The following DNAI3 variants were observed in gnomAD, a reference collection of about 807,000 sequenced individuals.
DNAI3 encodes dynein axonemal intermediate chain 3, also known as WD repeat domain 63.
A neutral mutation model predicts 115.5 loss-of-function variants in DNAI3; 83 were observed. The observed-to-expected ratio is 0.72, with a 90% CI of 0.60 to 0.86. The LOEUF is 0.86. DNAI3 is among the 40% of genes least tolerant of loss of function. The pLI is 0.00. For missense variants in DNAI3, 1,004 were observed against 1,075.8 expected (o/e 0.93, Z 0.93); for synonymous variants, 320 against 347.0 (o/e 0.92, Z 0.86).
In DNAI3 at chr1:85,082,417, C is replaced by G. The variant is rs760433587; in HGVS notation, c.390+13C>G. ...AAACTATTTAAATGTGAGCAAACCC[C>G]AAGCCCTTGTAATTTGTTTGTTTTT... is the stretch of plus-strand genomic sequence containing the variant. On this transcript the variant is annotated intron_variant, in intron 5 of 22. Transcript: ENST00000294664. 1 of 1,590,496 alleles carries G rather than the reference C, an allele frequency of 6.3e-7. No homozygotes were observed. Among genetic ancestry groups the G allele is most frequent in the Non-Finnish European group, 8.6e-7 (1 of 1,159,898 alleles).
chr1:85,107,203 A>G (rs1655513536), intron 14 of DNAI3, among the ~76,000 whole-genome samples: 3 of 152,324 alleles, frequency 2.0e-5, no homozygotes, highest in African/African-American at 4.8e-5. Flanking sequence ...GATTAAACAC[A>G]GAGTTACCAT....
chr1:85,126,351 A>G (rs1057432530), intron 19 of DNAI3, among the ~76,000 whole-genome samples, 160 bp from the exon 20 acceptor site: 1 of 152,242 alleles, frequency 6.6e-6, no homozygotes, highest in African/African-American at 2.4e-5. Context: ...GGTGTTATAT[A>G]AAAACCCTAC....
intron 9 of DNAI3, 198 bp downstream of exon 9, chr1:85,093,846 C>G (rs1275971295): frequency 1.4e-6 from 1 of 700,808 alleles, no homozygotes; most frequent in Non-Finnish European, 2.6e-6. Context: ...ACACACCTGT[C>G]ATTATCTCTG....
chr1:85,083,282 T>G (rs1463240539), intron 5 of DNAI3, among the ~76,000 whole-genome samples: 1 of 151,986 alleles, frequency 6.6e-6, no homozygotes, highest in Non-Finnish European at 1.5e-5. Flanking sequence ...AGGCCAGAAG[T>G]TCCAGATGAG....
intron 14 of DNAI3, among the ~76,000 whole-genome samples, chr1:85,106,230 A>G (rs1366780548): frequency 1.3e-5 from 2 of 152,224 alleles, no homozygotes; most frequent in African/African-American, 4.8e-5. Context: ...TGAAACACCA[A>G]AAGTGCAAGC....
chr1:85,103,946 A>G (rs1359323423), intron 13 of DNAI3, among the ~76,000 whole-genome samples: 1 of 148,940 alleles, frequency 6.7e-6, no homozygotes, highest in Non-Finnish European at 1.5e-5. Context: ...ATGAATATAT[A>G]GGTAAATGTT....
chr1:85,104,138 T>TGG (rs780490360), intron 13 of DNAI3, among the ~76,000 whole-genome samples: 234 of 142,516 alleles, frequency 1.6e-3, no homozygotes, highest in Admixed American at 2.6e-3. Context: ...TTTTTTTTTT[T>TGG]GGGCTGGAGT....
intron 1 of DNAI3, among the ~76,000 whole-genome samples, chr1:85,064,157 G>T (rs1449285293): frequency 1.3e-5 from 2 of 151,972 alleles, no homozygotes; most frequent in Non-Finnish European, 2.9e-5. Context: ...TTTATTTGAT[G>T]CATGGGCTTC....
At position 85,093,617 on chromosome 1, in the gene DNAI3, T is replaced by C. The variant is rs1188627572; in HGVS notation, c.1017T>C (p.Ile339=). Residue 339 remains isoleucine (I), a synonymous_variant, in exon 9 of 23, where the codon ATT becomes ATC. Coordinates refer to ENST00000294664, the MANE Select transcript of DNAI3 (RefSeq NM_145172.5). Reference sequence around the variant, plus strand: ...TTCATAGCCCAACGGAGAAAATGATTACCTGTGTCTCATGGCATCCAACTA... The same window carrying C: ...TTCATAGCCCAACGGAGAAAATGATCACCTGTGTCTCATGGCATCCAACTA... ...TDLHSPTEKM[I]TCVSWHPTIY... 6.2e-7 allele frequency: 1 copy of C among 1,614,012 alleles called. No individual in the cohort carries two copies. The highest frequency in any genetic ancestry group is 8.5e-7 in the Non-Finnish European group (1 of 1,180,008).
intron 14 of DNAI3, among the ~76,000 whole-genome samples, chr1:85,104,817 C>T (rs1018671409): frequency 8.5e-5 from 12 of 140,764 alleles, no homozygotes; most frequent in South Asian, 2.3e-4. Flanking sequence ...TGGTTGATAA[C>T]GTTGTATAGC....
intron 3 of DNAI3, 129 bp downstream of exon 3, chr1:85,073,221 C>A: frequency 1.0e-5 from 6 of 581,288 alleles, no homozygotes; most frequent in South Asian, 1.1e-4. Context: ...TTATACCATT[C>A]CATTTAGAAT....
At chr1:85,096,088 G>C in intron 11 of DNAI3, 68 bp downstream of exon 11, 1 of 1,429,336 alleles carries the variant, frequency 7.0e-7, no homozygotes, top group South Asian at 1.2e-5. Flanking sequence ...TTTTGACTTG[G>C]CAGTTCCTTG....
chr1:85,104,277 C>T lies in DNAI3; in HGVS notation c.1480-247C>T, dbSNP rs146242649. Among the ~76,000 whole-genome samples the T allele has an allele frequency of 3.9e-3, 596 of 152,112 alleles. 2 individuals carry two copies. The highest frequency in any genetic ancestry group is 0.013 in the African/African-American group (549 of 41,502). On this transcript the variant is annotated intron_variant, in intron 13 of 22. Transcript: ENST00000294664. Reference sequence around the variant, plus strand: ...CTGGGACTACAGGCGCCCACCACCACGCCCGGCTAATTTTTTGTATTTTTA... The same window carrying T: ...CTGGGACTACAGGCGCCCACCACCATGCCCGGCTAATTTTTTGTATTTTTA...
chr1:85,104,424 A>G (rs908540825), intron 13 of DNAI3, 100 bp from the exon 14 acceptor site: 1 of 1,034,254 alleles, frequency 9.7e-7, no homozygotes, highest in East Asian at 2.7e-5. Context: ...CCCGGCCGGT[A>G]TGTTCTTTTA....
intron 1 of DNAI3, among the ~76,000 whole-genome samples, chr1:85,066,768 G>A (rs1375508970): frequency 6.6e-6 from 1 of 151,878 alleles, no homozygotes; most frequent in Non-Finnish European, 1.5e-5. Context: ...CAACTTAATA[G>A]AAAAAAGTTT....
chr1:85,065,304 AC>A (rs1000289928), intron 1 of DNAI3, among the ~76,000 whole-genome samples: 4 of 152,142 alleles, frequency 2.6e-5, no homozygotes, highest in African/African-American at 9.7e-5. Flanking sequence ...TGTGCTATCA[AC>A]CTAGATAGCA....
At chr1:85,097,878 A>G (rs1433621969) in intron 12 of DNAI3, among the ~76,000 whole-genome samples, 1 of 152,134 alleles carries the variant, frequency 6.6e-6, no homozygotes, top group African/African-American at 2.4e-5. Context: ...CCATCTACCC[A>G]AGGATATGAA....
chr1:85,102,446 CAT>C (rs929936465), intron 13 of DNAI3, among the ~76,000 whole-genome samples: 18 of 152,100 alleles, frequency 1.2e-4, no homozygotes, highest in African/African-American at 4.1e-4. Flanking sequence ...AAGCAAAAGA[CAT>C]ATAAAATAAA....
Position 85,096,039 on chromosome 1 carries a change from T to C in DNAI3, c.1263+19T>C. On this transcript the variant is annotated intron_variant, in intron 11 of 22. Transcript: ENST00000294664. ...TGGGCAGGTACTTAACAGAATTTTT[T>C]TCAGCTATGTATTAATGTAGACAAC... is the stretch of plus-strand genomic sequence containing the variant. 1.9e-6 allele frequency: 3 copies of C among 1,608,710 alleles called. No individual in the cohort carries two copies. The highest frequency in any genetic ancestry group is 1.3e-5 in the African/African-American group (1 of 74,890).
Sources: gnomAD v4.1 joint callset for allele counts (sites outside exome capture counted in the v4.1 genomes callset) on GRCh38, gnomAD v4.1.1 for gene constraint, MANE v1.5 for transcripts, NCBI Gene and HGNC (gene_info 2026-07-23, HGNC 2026-07-21) for gene names.